The following ATXN10 variants were observed in gnomAD, a reference collection of about 807,000 sequenced individuals.
ATXN10 encodes the protein ataxin-10.
A neutral mutation model predicts 52.9 loss-of-function variants in ATXN10; 28 were observed. The ratio of observed to expected loss-of-function variants is 0.53; its 90% CI spans 0.39 to 0.73. The LOEUF (loss-of-function observed/expected upper bound fraction) is 0.73. Among genes scored for constraint, ATXN10 ranks in the 30% least tolerant of loss-of-function variants. ATXN10 has a pLI of 0.00. For missense variants in ATXN10, 565 were observed against 577.0 expected (o/e 0.98, Z 0.21); for synonymous variants, 226 against 221.5 (o/e 1.02, Z -0.18).
At position 45,795,951 on chromosome 22, in the gene ATXN10, G is replaced by A. The variant is rs1242755853; in HGVS notation, c.1174-11008G>A. On this transcript the variant is annotated intron_variant, in intron 9 of 11. Transcript: ENST00000252934. The surrounding 1 kb of genome is among the most constrained non-coding windows in gnomAD (Gnocchi z 4.6). Reference sequence around the variant, plus strand: ...TGTGTTTGAACAATATGAAATTTGGGCACCTTGAAAAAGAACTGGGTAACA... The same window carrying A: ...TGTGTTTGAACAATATGAAATTTGGACACCTTGAAAAAGAACTGGGTAACA... 2.6e-5 allele frequency among the ~76,000 whole-genome samples: 4 copies of A among 152,154 alleles called. No homozygotes were observed. Among genetic ancestry groups the A allele is most frequent in the African/African-American group, 4.8e-5 (2 of 41,428 alleles).
Position 45,729,504 on chromosome 22 carries a change from C to G in ATXN10, c.808C>G (p.Arg270Gly). 6.2e-7 allele frequency: 1 copy of G among 1,614,080 alleles called. No homozygotes were observed. The highest frequency in any genetic ancestry group is 1.3e-5 in the African/African-American group (1 of 75,012). Reference sequence around the variant, plus strand: ...CAAGGATGACATCCCTGTGTTTTTGCGGCATGCTGAGTTGATTGCAAGCAC... The same window carrying G: ...CAAGGATGACATCCCTGTGTTTTTGGGGCATGCTGAGTTGATTGCAAGCAC... ...LTKDDIPVFL[R>G]HAELIASTFV... The change falls in exon 7 of 12, where the codon CGG (arginine) becomes GGG (glycine). Residue 270 changes from arginine to glycine, a missense_variant. Coordinates refer to ENST00000252934, the MANE Select transcript of ATXN10 (RefSeq NM_013236.4).
At chr22:45,697,642 A>T (rs1014711777) in intron 3 of ATXN10, among the ~76,000 whole-genome samples, 14 of 150,988 alleles carry the variant, frequency 9.3e-5, no homozygotes, top group South Asian at 2.1e-4. Context: ...TTATTTATTT[A>T]TTTTTTTGAG....
At chr22:45,829,339 C>G (rs569937766) in intron 10 of ATXN10, among the ~76,000 whole-genome samples, 1 of 152,302 alleles carries the variant, frequency 6.6e-6, no homozygotes, top group South Asian at 2.1e-4. Flanking sequence ...AGGACGTCCA[C>G]TTTCATCACT....
chr22:45,717,447 T>C (rs1924489036), intron 5 of ATXN10, among the ~76,000 whole-genome samples: 1 of 152,226 alleles, frequency 6.6e-6, no homozygotes, highest in South Asian at 2.1e-4. Flanking sequence ...TGGGATTGCA[T>C]AGATTTCTAT....
Position 45,835,243 on chromosome 22 carries a change from G to A in ATXN10, c.1238-7748G>A, listed in dbSNP as rs542820608. Among the ~76,000 whole-genome samples the A allele has an allele frequency of 1.1e-4, 17 of 152,206 alleles. No individual in the cohort carries two copies. Among genetic ancestry groups the A allele is most frequent in the South Asian group, 4.1e-4 (2 of 4,828 alleles). On this transcript the variant is annotated intron_variant, in intron 10 of 11. Transcript: ENST00000252934. This position sits in a 1 kb window ranked among gnomAD's most constrained non-coding sequence, Gnocchi z 5.0. Reference sequence around the variant, plus strand: ...GCTCATGGGTCCTGCTTTGCCTGGCGTGGGCTCATGGGTCCTGCTTTGCCT... The same window carrying A: ...GCTCATGGGTCCTGCTTTGCCTGGCATGGGCTCATGGGTCCTGCTTTGCCT...
At chr22:45,713,533 C>T (rs578000212) in intron 5 of ATXN10, among the ~76,000 whole-genome samples, 15 of 152,074 alleles carry the variant, frequency 9.9e-5, no homozygotes, top group African/African-American at 3.4e-4. Flanking sequence ...GCCTGAGGAG[C>T]CAGGTTCATC....
In ATXN10 at chr22:45,844,619, G is replaced by T. The variant is rs1929451215; in HGVS notation, c.*948G>T. 1 of 152,136 alleles carries T rather than the reference G, an allele frequency of 6.6e-6. No homozygotes were observed. Among genetic ancestry groups the T allele is most frequent in the Non-Finnish European group, 1.5e-5 (1 of 68,022 alleles). The allele number at this position is 152,136 out of a possible 1,614,324, so 9.4% of individuals were successfully genotyped here. On this transcript the variant is annotated 3_prime_UTR_variant, in exon 12 of 12. Coordinates refer to ENST00000252934, the MANE Select transcript of ATXN10 (RefSeq NM_013236.4). ...TATCTGTCTGCTGTATGAGAGGTAG[G>T]ACTGGATTAAATGACCACTGAACTC...
Position 45,750,808 on chromosome 22 carries a change from C to G in ATXN10, c.1173+10270C>G, listed in dbSNP as rs1009212173. On this transcript the variant is annotated intron_variant, in intron 9 of 11. Transcript: ENST00000252934. The surrounding 1 kb of genome is among the most constrained non-coding windows in gnomAD (Gnocchi z 4.2). ...ATGTGATAAGGATAATCCAGCAACC[C>G]GGGGAGAAAAGGAAAGCTTATTACA... 6.6e-6 allele frequency among the ~76,000 whole-genome samples: 1 copy of G among 152,102 alleles called. No individual in the cohort carries two copies. Among genetic ancestry groups the G allele is most frequent in the Non-Finnish European group, 1.5e-5 (1 of 68,030 alleles).
intron 6 of ATXN10, among the ~76,000 whole-genome samples, chr22:45,721,129 T>C (rs1924633909): frequency 6.6e-6 from 1 of 152,202 alleles, no homozygotes. Context: ...TTCATGCAGA[T>C]TACTCGGTGG....
intron 9 of ATXN10, among the ~76,000 whole-genome samples, chr22:45,796,981 T>G (rs1927764084): frequency 6.6e-6 from 1 of 152,146 alleles, no homozygotes. Flanking sequence ...TTTCCCTAGA[T>G]GTAAAAGAGT....
rs1924946218 is a variant in ATXN10, at chr22:45,727,988, T to G, written c.729-1437T>G. Among the ~76,000 whole-genome samples, 1 of 152,150 alleles carries G rather than the reference T, an allele frequency of 6.6e-6. No individual in the cohort carries two copies. The highest frequency in any genetic ancestry group is 1.5e-5 in the Non-Finnish European group (1 of 68,032). On this transcript the variant is annotated intron_variant, in intron 6 of 11. Transcript: ENST00000252934. This position sits in a 1 kb window ranked among gnomAD's most constrained non-coding sequence, Gnocchi z 4.6. ...TCTGTAAGATTCCTTATGTTTTAGG[T>G]GAGTCTCTTGAAGACAGCAGGTATT... is the stretch of plus-strand genomic sequence containing the variant.
chr22:45,770,953 C>T lies in ATXN10; in HGVS notation c.1173+30415C>T, dbSNP rs941894799. Among the ~76,000 whole-genome samples the T allele has an allele frequency of 2.6e-5, 4 of 152,208 alleles. No homozygotes were observed. The highest frequency in any genetic ancestry group is 9.7e-5 in the African/African-American group (4 of 41,442). ...TCAGAGAGAAGAACCCAGATCCATC[C>T]TGGGAGCACTCGAGGCCAGCCCTTT... is the stretch of plus-strand genomic sequence containing the variant. On this transcript the variant is annotated intron_variant, in intron 9 of 11. Coordinates refer to ENST00000252934, the MANE Select transcript of ATXN10 (RefSeq NM_013236.4). The surrounding 1 kb of genome is among the most constrained non-coding windows in gnomAD (Gnocchi z 4.5).
chr22:45,785,781 C>T (rs1202117133), intron 9 of ATXN10, among the ~76,000 whole-genome samples: 1 of 152,226 alleles, frequency 6.6e-6, no homozygotes, highest in African/African-American at 2.4e-5. Context: ...CAGAGACAGT[C>T]CTGTGCAAAG....
Position 45,843,257 on chromosome 22 carries a change from G to A in ATXN10, c.1425+79G>A, listed in dbSNP as rs138732054. The stretch of plus-strand genomic sequence containing the variant: ...CACTTCCCCATTGCTTCAAGCACGA[G>A]GCTCTTTGTAAGAATATGGATGGGA... On this transcript the variant is annotated intron_variant, in intron 11 of 11. Transcript: ENST00000252934. The surrounding 1 kb of genome is among the most constrained non-coding windows in gnomAD (Gnocchi z 4.5). The A allele has an allele frequency of 6.8e-7, 1 of 1,470,908 alleles. No homozygotes were observed. 91.1% of individuals were successfully genotyped at this position (1,470,908 alleles called of 1,614,324 possible).
chr22:45,692,938 C>A, intron 2 of ATXN10, 58 bp from the exon 3 acceptor site: 1 of 1,405,870 alleles, frequency 7.1e-7, no homozygotes, highest in Non-Finnish European at 1.0e-6. Context: ...CAAAAACAGC[C>A]ATAGACAATA....
At chr22:45,807,366 C>T (rs1029028031) in intron 10 of ATXN10, among the ~76,000 whole-genome samples, 2 of 152,132 alleles carry the variant, frequency 1.3e-5, no homozygotes, top group South Asian at 2.1e-4. Flanking sequence ...AGAGTAGACA[C>T]GAACTATGGC....
At position 45,733,739 on chromosome 22, in the gene ATXN10, G is replaced by A. The variant is rs1399704412; in HGVS notation, c.894+4149G>A. 6.6e-6 allele frequency among the ~76,000 whole-genome samples: 1 copy of A among 150,714 alleles called. No homozygotes were observed. Among genetic ancestry groups the A allele is most frequent in the East Asian group, 1.9e-4 (1 of 5,158 alleles). ...CCATTGCACTTCAGCCTGGGCGACA[G>A]AGCAAGACTCCCATCTTAAAAAAAA... On this transcript the variant is annotated intron_variant, in intron 7 of 11. Coordinates refer to ENST00000252934, the MANE Select transcript of ATXN10 (RefSeq NM_013236.4). This position sits in a 1 kb window ranked among gnomAD's most constrained non-coding sequence, Gnocchi z 4.4.
chr22:45,724,765 G>T (rs907479013), intron 6 of ATXN10, among the ~76,000 whole-genome samples: 1 of 151,916 alleles, frequency 6.6e-6, no homozygotes, highest in African/African-American at 2.4e-5. Context: ...TTTTTCCTAG[G>T]TTTTCTCCTA....
rs1601642166 is a variant in ATXN10 at position 45,781,383 on chromosome 22, C to T, written c.1174-25576C>T. ...AGCTCTGCCCAGCAGTAGTGAGGCA[C>T]CCCTCTCTCCCCGGGTGTCAAAGGA... On this transcript the variant is annotated intron_variant, in intron 9 of 11. Transcript: ENST00000252934. The surrounding 1 kb of genome is among the most constrained non-coding windows in gnomAD (Gnocchi z 4.2). Among the ~76,000 whole-genome samples, 1 of 152,162 alleles carries T rather than the reference C, an allele frequency of 6.6e-6. No homozygotes were observed. The highest frequency in any genetic ancestry group is 2.1e-4 in the South Asian group (1 of 4,826).
Sources: allele counts gnomAD v4.1 joint callset (sites outside exome capture counted in the v4.1 genomes callset), GRCh38; gene constraint gnomAD v4.1.1; non-coding constraint Gnocchi (gnomAD v3.1); transcripts MANE v1.5; gene names NCBI Gene and HGNC (gene_info 2026-07-23, HGNC 2026-07-21).